Variants in SLC24A2 observed in about 807,000 individuals in gnomAD.
SLC24A2 encodes solute carrier family 24 member 2.
Under a neutral mutation model 62.0 loss-of-function variants are expected in SLC24A2, and 36 were observed. The ratio of observed to expected loss-of-function variants is 0.58; its 90% CI spans 0.44 to 0.77. The LOEUF (loss-of-function observed/expected upper bound fraction) is 0.77, where lower values mean the gene tolerates loss of function less well. SLC24A2 is among the 30% of genes least tolerant of loss of function. The pLI, the probability that SLC24A2 is intolerant of heterozygous loss-of-function variation, is 0.00. For missense variants in SLC24A2, 846 were observed against 817.9 expected (o/e 1.03, Z -0.42); for synonymous variants, 358 against 294.0 (o/e 1.22, Z -2.23).
At chr9:19,936,290 T>A in the SLC24A2 span, among the ~76,000 whole-genome samples, 1 of 152,196 alleles carries the variant, frequency 6.6e-6, no homozygotes, top group African/African-American at 2.4e-5. Context: ...ATTATTATTA[T>A]TTGAGACACA....
the SLC24A2 span, among the ~76,000 whole-genome samples, chr9:20,089,040 G>A: frequency 3.9e-5 from 6 of 152,144 alleles, no homozygotes; most frequent in African/African-American, 1.4e-4. Context: ...CCCCAGCCTG[G>A]GTCTCCAGCC....
At chr9:20,203,940 C>G in the SLC24A2 span, among the ~76,000 whole-genome samples, 2 of 151,494 alleles carry the variant, frequency 1.3e-5, no homozygotes, top group African/African-American at 4.8e-5. Flanking sequence ...GGGTGAAACT[C>G]TTTTCCTAGT....
At chr9:19,687,736 A>G (rs937688099) in intron 2 of SLC24A2, among the ~76,000 whole-genome samples, 1 of 151,946 alleles carries the variant, frequency 6.6e-6, no homozygotes, top group African/African-American at 2.4e-5. Context: ...TCAGATTCCT[A>G]CCAGTTACTA....
chr9:19,547,936 GT>G (rs1332925325), intron 8 of SLC24A2, among the ~76,000 whole-genome samples: 1 of 151,654 alleles, frequency 6.6e-6, no homozygotes, highest in East Asian at 1.9e-4. Flanking sequence ...TTGGTTGTGG[GT>G]TTTCAGGAAG....
At chr9:19,762,387 C>T (rs1822364282) in intron 2 of SLC24A2, among the ~76,000 whole-genome samples, 1 of 152,124 alleles carries the variant, frequency 6.6e-6, no homozygotes, top group South Asian at 2.1e-4. Context: ...TTTGCCCATG[C>T]CTATGTCCTG....
At chr9:19,695,679 CAAAAAAA>C (rs66668393) in intron 2 of SLC24A2, among the ~76,000 whole-genome samples, 3 of 73,542 alleles carry the variant, frequency 4.1e-5, no homozygotes, top group Non-Finnish European at 7.2e-5. Context: ...TTGTTAGTAG[CAAAAAAA>C]AAAAAAAAAA....
chr9:20,193,511 T>A, the SLC24A2 span, among the ~76,000 whole-genome samples: 1 of 151,858 alleles, frequency 6.6e-6, no homozygotes, highest in African/African-American at 2.4e-5. Flanking sequence ...TAATTTATTT[T>A]TAATATATGT....
At chr9:19,693,757 T>C (rs1396782838) in intron 2 of SLC24A2, among the ~76,000 whole-genome samples, 1 of 152,152 alleles carries the variant, frequency 6.6e-6, no homozygotes, top group Non-Finnish European at 1.5e-5. Context: ...GTTTGATTTT[T>C]ATAAAGGTGA....
At chr9:20,184,288 G>T in the SLC24A2 span, among the ~76,000 whole-genome samples, 17 of 152,294 alleles carry the variant, frequency 1.1e-4, no homozygotes, top group Middle Eastern at 6.8e-3. Flanking sequence ...AGAGGCTCAC[G>T]CCTGTTAATC....
At chr9:19,841,916 G>A in the SLC24A2 span, among the ~76,000 whole-genome samples, 1 of 152,286 alleles carries the variant, frequency 6.6e-6, no homozygotes, top group East Asian at 1.9e-4. Context: ...CAGGGATGGA[G>A]GCTAAGCATG....
chr9:19,577,068 G>C, intron 5 of SLC24A2, 46 bp from the exon 6 acceptor site: 1 of 1,504,280 alleles, frequency 6.6e-7, no homozygotes, highest in Non-Finnish European at 9.3e-7. Context: ...TGAGAAAGAA[G>C]AGAGTCTCAG....
the SLC24A2 span, among the ~76,000 whole-genome samples, chr9:19,795,128 C>A: frequency 6.6e-6 from 1 of 152,186 alleles, no homozygotes; most frequent in African/African-American, 2.4e-5. Context: ...TTTCCCAGCT[C>A]GGTTGTGGAG....
At chr9:20,080,889 A>C in the SLC24A2 span, among the ~76,000 whole-genome samples, 2 of 152,270 alleles carry the variant, frequency 1.3e-5, no homozygotes, top group East Asian at 3.9e-4. Context: ...GCTCACCATC[A>C]CTGGCCATCA....
the SLC24A2 span, among the ~76,000 whole-genome samples, chr9:20,036,938 C>A: frequency 1.3e-5 from 2 of 151,938 alleles, no homozygotes; most frequent in Non-Finnish European, 2.9e-5. Context: ...GCTCGTTACC[C>A]AGGCTGGAGT....
At chr9:19,701,084 T>C (rs894596279) in intron 2 of SLC24A2, among the ~76,000 whole-genome samples, 1 of 152,222 alleles carries the variant, frequency 6.6e-6, no homozygotes, top group Non-Finnish European at 1.5e-5. Flanking sequence ...CTACCTTGTA[T>C]AAGAATCTTT....
At chr9:20,169,592 T>C in the SLC24A2 span, among the ~76,000 whole-genome samples, 1 of 151,960 alleles carries the variant, frequency 6.6e-6, no homozygotes, top group Non-Finnish European at 1.5e-5. Context: ...ACAATCACTG[T>C]AGCTTGGCTC....
the SLC24A2 span, among the ~76,000 whole-genome samples, chr9:20,241,110 A>G: frequency 6.6e-6 from 1 of 152,244 alleles, no homozygotes; most frequent in Non-Finnish European, 1.5e-5. Flanking sequence ...AGGTACCTTT[A>G]CCAATGAAAC....
the SLC24A2 span, among the ~76,000 whole-genome samples, chr9:20,019,333 T>A: frequency 6.7e-6 from 1 of 148,786 alleles, no homozygotes; most frequent in African/African-American, 2.5e-5. Flanking sequence ...CTTGTTCAAG[T>A]TCATACAGCT....
the SLC24A2 span, among the ~76,000 whole-genome samples, chr9:20,162,006 G>A: frequency 6.6e-6 from 1 of 151,704 alleles, no homozygotes; most frequent in Non-Finnish European, 1.5e-5. Flanking sequence ...TATGCAGATG[G>A]ATAACAGTAT....
Sources: gnomAD v4.1 joint callset for allele counts (sites outside exome capture counted in the v4.1 genomes callset) on GRCh38, gnomAD v4.1.1 for gene constraint, MANE v1.5 for transcripts, NCBI Gene and HGNC (gene_info 2026-07-23, HGNC 2026-07-21) for gene names.